FER1L6: variants seen among roughly 807,000 people sequenced by gnomAD.
FER1L6 encodes the protein fer-1-like protein 6.
FER1L6 carries 177 observed loss-of-function variants against 219.2 expected under a neutral mutation model. That is an observed-to-expected ratio of 0.81 (90% confidence interval 0.71 to 0.91). FER1L6 has a LOEUF of 0.91. FER1L6 is among the 40% of genes least tolerant of loss of function. The pLI is 0.00. For missense variants in FER1L6, 2,153 were observed against 2,259.9 expected (o/e 0.95, Z 0.96); for synonymous variants, 768 against 824.3 (o/e 0.93, Z 1.17).
At chr8:124,015,648 G>C (rs1035585166) in intron 15 of FER1L6, among the ~76,000 whole-genome samples, 1 of 125,214 alleles carries the variant, frequency 8.0e-6, no homozygotes, top group Non-Finnish European at 1.6e-5. Flanking sequence ...AGTGCCACCT[G>C]CAATTCCCTT....
rs1281741410 is a variant in FER1L6 at position 124,097,358 on chromosome 8, G to A, written c.4783G>A (p.Gly1595Arg). The A allele has an allele frequency of 1.2e-6, 2 of 1,608,952 alleles. No individual in the cohort carries two copies. Among genetic ancestry groups the A allele is most frequent in the Admixed American group, 1.7e-5 (1 of 59,902 alleles). Residue 1595 changes from glycine to arginine, a missense_variant and splice_region_variant, in exon 36 of 41, where the codon GGA (glycine) becomes AGA (arginine). Transcript: ENST00000522917. ...TGACATCTCTCCAAGGCGACCCAAA[G>A]GGTATGTCAGCTGTAGCCCCAGCTT... is the stretch of plus-strand genomic sequence containing the variant. ...PVDISPRRPKGYELRVTIWNT... is the reference protein window; with the variant it reads ...PVDISPRRPKRYELRVTIWNT...
chr8:123,949,253 A>C (rs35049688), intron 1 of FER1L6, among the ~76,000 whole-genome samples: 34,483 of 152,104 alleles, frequency 0.23, 4,806 homozygotes, highest in East Asian at 0.41. Flanking sequence ...TTGGAGAGTC[A>C]CAGTGCACAA....
chr8:124,039,234 C>T (rs569872236), intron 19 of FER1L6, among the ~76,000 whole-genome samples: 13 of 152,216 alleles, frequency 8.5e-5, no homozygotes, highest in Non-Finnish European at 1.6e-4. Context: ...CAGGGACTGT[C>T]TTGTTACCAC....
At chr8:124,109,216 C>T (rs541581499) in intron 39 of FER1L6, among the ~76,000 whole-genome samples, 1 of 152,200 alleles carries the variant, frequency 6.6e-6, no homozygotes, top group Admixed American at 6.5e-5. Context: ...CTGGAGAAGG[C>T]GGTGTCTGAT....
chr8:124,089,947 G>T (rs1477838636), intron 33 of FER1L6, among the ~76,000 whole-genome samples: 1 of 152,040 alleles, frequency 6.6e-6, no homozygotes, highest in African/African-American at 2.4e-5. Flanking sequence ...AAACCAATTT[G>T]CCTTCCTGAA....
intron 12 of FER1L6, among the ~76,000 whole-genome samples, 160 bp downstream of exon 12, chr8:123,986,336 A>G (rs1275191437): frequency 6.6e-6 from 1 of 152,210 alleles, no homozygotes; most frequent in Non-Finnish European, 1.5e-5. Context: ...TTGTCAATAT[A>G]TAAGGGATAG....
At position 124,118,911 on chromosome 8, in the gene FER1L6, C is replaced by A; in HGVS notation, c.5357C>A (p.Ala1786Asp). The stretch of plus-strand genomic sequence containing the variant: ...GCTGAGAAAAATCCTGTTGGAAAAG[C>A]CCGAAAGGAGCCAGAGCCCCTGGCC... Reference protein sequence around the residue: ...EEAEKNPVGKARKEPEPLAKP... With the variant: ...EEAEKNPVGKDRKEPEPLAKP... Residue 1786 changes from alanine (A) to aspartate (D), a missense_variant, in exon 40 of 41, where the codon GCC (alanine) becomes GAC (aspartate). Ala to Asp is a moderately radical substitution (Grantham distance 126). Coordinates refer to ENST00000522917, the MANE Select transcript of FER1L6 (RefSeq NM_001039112.2). The A allele has an allele frequency of 6.2e-7, 1 of 1,613,864 alleles. No individual in the cohort carries two copies.
intron 1 of FER1L6, among the ~76,000 whole-genome samples, chr8:123,870,091 CA>C (rs1431196331): frequency 6.6e-6 from 1 of 152,092 alleles, no homozygotes; most frequent in Non-Finnish European, 1.5e-5. Flanking sequence ...TTAAAGTAAA[CA>C]AAAATGAGAT....
At position 123,970,168 on chromosome 8, in the gene FER1L6, A is replaced by T; in HGVS notation, c.447+71A>T. The stretch of plus-strand genomic sequence containing the variant: ...TTTTGGGCATTGGGGACTCTCTGGG[A>T]CAACTCAGCATACTTAGCGGGGAAT... On this transcript the variant is annotated intron_variant, in intron 6 of 40. Coordinates refer to ENST00000522917, the MANE Select transcript of FER1L6 (RefSeq NM_001039112.2). 3 of 1,336,164 alleles carry T rather than the reference A, an allele frequency of 2.2e-6. No individual in the cohort carries two copies. In the South Asian group the frequency reaches 3.5e-5, roughly 16 times the overall value. 82.8% of individuals were successfully genotyped at this position (1,336,164 alleles called of 1,614,324 possible).
rs376245365 is a variant in FER1L6 at position 124,007,461 on chromosome 8, T to C, written c.1701-3133T>C. Among the ~76,000 whole-genome samples the C allele has an allele frequency of 3.3e-5, 5 of 152,292 alleles. No individual in the cohort carries two copies. The South Asian group carries it at 8.3e-4, about 25-fold the overall frequency. On this transcript the variant is annotated intron_variant, in intron 13 of 40. Transcript: ENST00000522917. Reference sequence around the variant, plus strand: ...AACCTGGTCAAAACAATAGCTGTCATTAGGCAGGGAACTTCTTCAACTTTT... The same window carrying C: ...AACCTGGTCAAAACAATAGCTGTCACTAGGCAGGGAACTTCTTCAACTTTT...
intron 33 of FER1L6, among the ~76,000 whole-genome samples, chr8:124,089,126 A>C (rs1356746591): frequency 6.6e-6 from 1 of 152,200 alleles, no homozygotes; most frequent in Non-Finnish European, 1.5e-5. Context: ...AGGACCCCAG[A>C]GTGCTTTAGC....
chr8:123,891,519 A>G (rs1057465390), intron 1 of FER1L6, among the ~76,000 whole-genome samples: 2 of 152,142 alleles, frequency 1.3e-5, no homozygotes, highest in Non-Finnish European at 2.9e-5. Context: ...CTGTCATTAG[A>G]ATGTTAGCAA....
chr8:124,025,016 G>A (rs1818643297), intron 18 of FER1L6, among the ~76,000 whole-genome samples: 1 of 151,826 alleles, frequency 6.6e-6, no homozygotes, highest in African/African-American at 2.4e-5. Context: ...TCTGGGAGGT[G>A]TCTATTCATG....
intron 16 of FER1L6, 68 bp downstream of exon 16, chr8:124,017,786 C>A: frequency 7.7e-7 from 1 of 1,297,950 alleles, no homozygotes; most frequent in Non-Finnish European, 1.1e-6. Flanking sequence ...AGGCATAGGT[C>A]ACAGACCAAA....
intron 11 of FER1L6, among the ~76,000 whole-genome samples, chr8:123,982,788 C>G (rs184619384): frequency 6.6e-6 from 1 of 152,278 alleles, no homozygotes; most frequent in Non-Finnish European, 1.5e-5. Context: ...AAGATGGCTC[C>G]TCACATGGCA....
At chr8:124,117,855 A>G (rs1823314597) in intron 39 of FER1L6, among the ~76,000 whole-genome samples, 1 of 152,182 alleles carries the variant, frequency 6.6e-6, no homozygotes, top group African/African-American at 2.4e-5. Flanking sequence ...AGATTTTTGT[A>G]TTGGGGTAAG....
chr8:123,930,938 C>A (rs938567077), intron 1 of FER1L6, among the ~76,000 whole-genome samples: 6 of 152,118 alleles, frequency 3.9e-5, no homozygotes, highest in Admixed American at 3.9e-4. Context: ...TGGCTGACTC[C>A]CACCTCCACC....
At chr8:123,902,602 AT>A (rs1812879051) in intron 1 of FER1L6, among the ~76,000 whole-genome samples, 1 of 152,008 alleles carries the variant, frequency 6.6e-6, no homozygotes, top group Non-Finnish European at 1.5e-5. Context: ...TTAAAGTTTG[AT>A]TTGTCTGATA....
chr8:124,007,433 G>T (rs1164106527), intron 13 of FER1L6, among the ~76,000 whole-genome samples: 1 of 152,106 alleles, frequency 6.6e-6, no homozygotes, highest in African/African-American at 2.4e-5. Context: ...GGGTTTGGGG[G>T]AAAACCTGGT....
Sources: gnomAD v4.1 joint callset for allele counts (sites outside exome capture counted in the v4.1 genomes callset) on GRCh38, gnomAD v4.1.1 for gene constraint, MANE v1.5 for transcripts, NCBI Gene and HGNC (gene_info 2026-07-23, HGNC 2026-07-21) for gene names.